The following FBXO31 variants were observed in gnomAD, a reference collection of about 807,000 sequenced individuals.
FBXO31 encodes F-box protein 31.
Under a neutral mutation model 54.4 loss-of-function variants are expected in FBXO31, and 24 were observed. That is an observed-to-expected ratio of 0.44 (90% confidence interval 0.32 to 0.62). The LOEUF is 0.62. Ranked by LOEUF, FBXO31 falls within the 20% of genes least tolerant of loss-of-function variation. The pLI is 0.05. For synonymous variants in FBXO31, 388 were observed against 335.6 expected, an observed-to-expected ratio of 1.16 and a Z score of -1.71; for missense variants, 665 against 787.1, an observed-to-expected ratio of 0.84 and a Z score of 1.86.
At position 87,328,431 on chromosome 16, in the gene FBXO31, G is replaced by C. The variant is rs996190431; in HGVS notation, c.*2857C>G. On this transcript the variant is annotated 3_prime_UTR_variant, in exon 9 of 9. Coordinates refer to ENST00000311635, the MANE Select transcript of FBXO31 (RefSeq NM_024735.5). Reference sequence around the variant, plus strand: ...CTGAAGGGGCCCAGGGCATGGTCAGGAACGAAGAAGGAGGGAGCCTGAGGC... The same window carrying C: ...CTGAAGGGGCCCAGGGCATGGTCAGCAACGAAGAAGGAGGGAGCCTGAGGC... 1 of 152,470 alleles carries C rather than the reference G, an allele frequency of 6.6e-6. No individual in the cohort carries two copies. 9.4% of individuals were successfully genotyped at this position (152,470 alleles called of 1,614,324 possible). A position where few individuals can be genotyped will look rare whatever the true frequency, so the allele number is the denominator to read the frequency against.
rs1597353336 is a variant in FBXO31, at chr16:87,327,251, CGT to C, written c.*4035_*4036del. The C allele has an allele frequency of 6.6e-6, 1 of 152,650 alleles. No individual in the cohort carries two copies. The highest frequency in any genetic ancestry group is 1.9e-4 in the East Asian group (1 of 5,214). The allele number at this position is 152,650 out of a possible 1,614,324, so 9.5% of individuals were successfully genotyped here. ...AAAACCCACACAGCCCTGACCCCCT[CGT>C]GCTCTGGCTGGTCTCCCGGTCAGCA... is the stretch of plus-strand genomic sequence containing the variant. On this transcript the variant is annotated 3_prime_UTR_variant, in exon 9 of 9. Transcript: ENST00000311635.
At chr16:87,373,589 G>T (rs1017675564) in intron 1 of FBXO31, among the ~76,000 whole-genome samples, 1 of 151,568 alleles carries the variant, frequency 6.6e-6, no homozygotes, top group African/African-American at 2.4e-5. Context: ...GAGTGCAGCG[G>T]TATGAACAAG....
rs776346820 is a variant in FBXO31, at chr16:87,343,682, C to T, written c.573G>A (p.Leu191=). Residue 191 remains leucine (L), a synonymous_variant, in exon 4 of 9, where the codon CTG becomes CTA. Transcript: ENST00000311635. ...HVDDPMRFKP[L]FRIHLMERKA... is the part of the protein sequence containing the mutation. ...TCCTCTCCATCAGGTGGATCCTGAA[C>T]AGAGGCTTGAATCTCATAGGGTCAT... 7.4e-6 allele frequency: 12 copies of T among 1,614,146 alleles called. No homozygotes were observed. Among genetic ancestry groups the T allele is most frequent in the Non-Finnish European group, 1.0e-5 (12 of 1,180,056 alleles).
At chr16:87,381,927 G>A (rs1907096596) in intron 1 of FBXO31, among the ~76,000 whole-genome samples, 1 of 152,056 alleles carries the variant, frequency 6.6e-6, no homozygotes, top group South Asian at 2.1e-4. Flanking sequence ...GGAGGCTGAT[G>A]CGGGAGAATC....
At chr16:87,390,515 G>A (rs561587092), upstream of FBXO31, among the ~76,000 whole-genome samples, 4 of 150,994 alleles carry the variant, frequency 2.6e-5, no homozygotes, top group East Asian at 2.0e-4. Flanking sequence ...ATCTTGGCTC[G>A]CTGCAACCTC....
At chr16:87,387,281 A>G (rs184097711), upstream of FBXO31, among the ~76,000 whole-genome samples, 225 of 152,294 alleles carry the variant, frequency 1.5e-3, 1 homozygote, top group African/African-American at 5.2e-3. Flanking sequence ...CACGTTTACA[A>G]TCCTTTATGT....
chr16:87,332,722 C>T (rs2007286), intron 8 of FBXO31, among the ~76,000 whole-genome samples: 1 of 150,212 alleles, frequency 6.7e-6, no homozygotes, highest in East Asian at 1.9e-4. Flanking sequence ...CCCTTCCCCC[C>T]ACCCAGACAT....
At chr16:87,337,872 G>A (rs1036653299) in intron 5 of FBXO31, among the ~76,000 whole-genome samples, 1 of 151,250 alleles carries the variant, frequency 6.6e-6, no homozygotes, top group Non-Finnish European at 1.5e-5. Flanking sequence ...AGTATTTTAG[G>A]ACTCAATTTT....
intron 2 of FBXO31, among the ~76,000 whole-genome samples, chr16:87,356,767 T>C (rs545424506): frequency 2.6e-4 from 40 of 152,286 alleles, no homozygotes; most frequent in Non-Finnish European, 5.4e-4. Context: ...ACTTAAGATG[T>C]AGGTCTGCTC....
chr16:87,386,146 C>T (rs569412317), upstream of FBXO31: 1,736 of 37,342 alleles, frequency 0.046, 9 homozygotes, highest in Non-Finnish European at 0.082. Context: ...AGATCAGGGA[C>T]CTCAGGAGGC....
At chr16:87,364,043 C>T (rs993360097) in intron 1 of FBXO31, among the ~76,000 whole-genome samples, 1 of 152,140 alleles carries the variant, frequency 6.6e-6, no homozygotes, top group African/African-American at 2.4e-5. Context: ...GAGCTGCGGC[C>T]GCAGGCTGGC....
At chr16:87,390,920 C>G (rs925530474), upstream of FBXO31, among the ~76,000 whole-genome samples, 2 of 152,118 alleles carry the variant, frequency 1.3e-5, no homozygotes, top group Non-Finnish European at 2.9e-5. Flanking sequence ...TTGTATGATT[C>G]AAGCTTACAG....
chr16:87,350,732 AC>A (rs1188786078), intron 2 of FBXO31, among the ~76,000 whole-genome samples: 1 of 151,676 alleles, frequency 6.6e-6, no homozygotes, highest in African/African-American at 2.4e-5. Flanking sequence ...TAAAAAAAAA[AC>A]ACTATTCAGC....
intron 2 of FBXO31, among the ~76,000 whole-genome samples, chr16:87,353,439 A>C (rs1905752741): frequency 6.6e-6 from 1 of 152,222 alleles, no homozygotes; most frequent in Admixed American, 6.5e-5. Flanking sequence ...ATCAAGATGT[A>C]ATGTAGCCGT....
chr16:87,340,158 C>T (rs1194869347), intron 5 of FBXO31, among the ~76,000 whole-genome samples: 1 of 152,148 alleles, frequency 6.6e-6, no homozygotes, highest in Non-Finnish European at 1.5e-5. Flanking sequence ...TGGCAGGCGC[C>T]TGTAATACCA....
At position 87,334,294 on chromosome 16, in the gene FBXO31, G is replaced by A; in HGVS notation, c.997-8C>T. On this transcript the variant is annotated splice_region_variant and splice_polypyrimidine_tract_variant and intron_variant, in intron 7 of 8. Transcript: ENST00000311635. ...GGGGATGTTGGGGTCGCCCTGTGGA[G>A]CAGGTGGCAGTCAGCAGGGCTCAGG... 3.8e-6 allele frequency: 6 copies of A among 1,558,962 alleles called. No homozygotes were observed. The highest frequency in any genetic ancestry group is 5.2e-6 in the Non-Finnish European group (6 of 1,149,646).
chr16:87,342,015 C>G (rs1905211406), intron 5 of FBXO31, among the ~76,000 whole-genome samples: 1 of 152,172 alleles, frequency 6.6e-6, no homozygotes, highest in Non-Finnish European at 1.5e-5. Flanking sequence ...AGTTTGTGAC[C>G]AGCCTGGGCA....
rs1904977253 is a variant in FBXO31 at position 87,334,415 on chromosome 16, C to T, written c.997-129G>A. 4 of 793,496 alleles carry T rather than the reference C, an allele frequency of 5.0e-6. No individual in the cohort carries two copies. In the Admixed American group the frequency reaches 1.2e-4, roughly 23 times the overall value. 49.2% of individuals were successfully genotyped at this position (793,496 alleles called of 1,614,324 possible). A position where few individuals can be genotyped will look rare whatever the true frequency, so the allele number is the denominator to read the frequency against. On this transcript the variant is annotated intron_variant, in intron 7 of 8. Transcript: ENST00000311635. ...AGCCCTCCTACTGACTTAGCAACGT[C>T]CCTTACAGAAGAAGAAGTCTCAGAA...
At chr16:87,333,435 G>A (rs762648721) in intron 8 of FBXO31, among the ~76,000 whole-genome samples, 5 of 152,178 alleles carry the variant, frequency 3.3e-5, no homozygotes, top group Non-Finnish European at 5.9e-5. Context: ...CCGGCAAGAC[G>A]CTGTCCAGGA....
Sources: allele counts gnomAD v4.1 joint callset (sites outside exome capture counted in the v4.1 genomes callset), GRCh38; gene constraint gnomAD v4.1.1; transcripts MANE v1.5; gene names NCBI Gene and HGNC (gene_info 2026-07-23, HGNC 2026-07-21).